The following DLG2 variants were observed in gnomAD, a reference collection of about 807,000 sequenced individuals.
The protein encoded by DLG2 is disks large homolog 2.
A neutral mutation model predicts 132.5 loss-of-function variants in DLG2; 45 were observed. The observed-to-expected ratio is 0.34, with a 90% CI of 0.27 to 0.44. The LOEUF is 0.44. Among genes scored for constraint, DLG2 ranks in the 20% least tolerant of loss-of-function variants. The pLI is 1.00. For synonymous variants in DLG2, 424 were observed against 419.6 expected (o/e 1.01, Z -0.13); for missense variants, 1,045 against 1,196.9 (o/e 0.87, Z 1.87).
chr11:83,528,366 C>T (rs1407157468), intron 21 of DLG2, among the ~76,000 whole-genome samples: 1 of 152,160 alleles, frequency 6.6e-6, no homozygotes, highest in Non-Finnish European at 1.5e-5. Context: ...GCTTTCTGGC[C>T]TTTCTGACCT....
chr11:83,923,609 GC>G (rs1400689509), intron 15 of DLG2, among the ~76,000 whole-genome samples: 1 of 152,032 alleles, frequency 6.6e-6, no homozygotes, highest in African/African-American at 2.4e-5. Context: ...TCCAACAGGG[GC>G]AAAGAATCAC....
chr11:83,837,966 C>G lies in DLG2; in HGVS notation c.1566-4196G>C, dbSNP rs141279071. 1.8e-4 allele frequency among the ~76,000 whole-genome samples: 28 copies of G among 152,162 alleles called. No homozygotes were observed. In the South Asian group the frequency reaches 4.2e-3, roughly 23 times the overall value. Reference sequence around the variant, plus strand: ...AGAATTTTCATGAAAAGGTTATTGTCGAAATCTCCCCCTTTCCCCAGAATA... The same window carrying G: ...AGAATTTTCATGAAAAGGTTATTGTGGAAATCTCCCCCTTTCCCCAGAATA... On this transcript the variant is annotated intron_variant, in intron 16 of 27. Transcript: ENST00000376104.
intron 10 of DLG2, among the ~76,000 whole-genome samples, chr11:84,064,118 T>G (rs1044623795): frequency 6.7e-6 from 1 of 150,060 alleles, no homozygotes; most frequent in African/African-American, 2.5e-5. Flanking sequence ...ATAATAAGAA[T>G]ATATATATAT....
At chr11:84,958,467 G>C (rs1039680237) in intron 6 of DLG2, among the ~76,000 whole-genome samples, 2 of 152,174 alleles carry the variant, frequency 1.3e-5, no homozygotes, top group Non-Finnish European at 2.9e-5. Context: ...TTGGAACATA[G>C]GGCTTCCAAA....
At chr11:84,619,960 T>C (rs865959127) in intron 6 of DLG2, among the ~76,000 whole-genome samples, 117 of 150,810 alleles carry the variant, frequency 7.8e-4, no homozygotes, top group Middle Eastern at 3.4e-3. Context: ...TCATCTAAAA[T>C]GCACATGAAA....
chr11:83,983,804 C>A (rs1228599981), intron 11 of DLG2, among the ~76,000 whole-genome samples: 3 of 152,014 alleles, frequency 2.0e-5, no homozygotes, highest in African/African-American at 4.8e-5. Flanking sequence ...ATACCCCAAA[C>A]TGGCTTTTCC....
chr11:84,907,849 G>T (rs139946943), intron 6 of DLG2, among the ~76,000 whole-genome samples: 105 of 152,246 alleles, frequency 6.9e-4, no homozygotes, highest in African/African-American at 2.5e-3. Context: ...CTGGACATTA[G>T]CCTTCTGGGC....
chr11:85,429,981 G>A (rs1381519561), intron 3 of DLG2, among the ~76,000 whole-genome samples: 2 of 152,062 alleles, frequency 1.3e-5, no homozygotes, highest in African/African-American at 2.4e-5. Context: ...ATGATAGACT[G>A]GATTAAGAAA....
chr11:84,107,487 T>C (rs925764148), intron 9 of DLG2, among the ~76,000 whole-genome samples: 2 of 50,588 alleles, frequency 4.0e-5, no homozygotes, highest in Non-Finnish European at 1.2e-4. Flanking sequence ...GAGCACTCCA[T>C]CTTTAATTTT....
chr11:84,622,968 A>C (rs2099616454), intron 6 of DLG2, among the ~76,000 whole-genome samples: 1 of 152,008 alleles, frequency 6.6e-6, no homozygotes, highest in Non-Finnish European at 1.5e-5. Context: ...CCTTACATCA[A>C]CTTCCTCCTT....
At chr11:84,119,425 C>CAT (rs1370470235) in intron 9 of DLG2, among the ~76,000 whole-genome samples, 5 of 151,066 alleles carry the variant, frequency 3.3e-5, no homozygotes, top group East Asian at 1.9e-4. Flanking sequence ...CAACTGGATT[C>CAT]ATATATATAT....
At chr11:84,052,426 C>A (rs1239097831) in intron 11 of DLG2, among the ~76,000 whole-genome samples, 1 of 151,514 alleles carries the variant, frequency 6.6e-6, no homozygotes, top group Non-Finnish European at 1.5e-5. Flanking sequence ...AAGGACCTCC[C>A]CCAAATTTTT....
intron 6 of DLG2, among the ~76,000 whole-genome samples, chr11:85,010,576 T>C (rs1241083539): frequency 6.6e-6 from 1 of 152,118 alleles, no homozygotes; most frequent in African/African-American, 2.4e-5. Flanking sequence ...TCTTCTAGTA[T>C]TATTTCTGTT....
At chr11:84,921,058 T>C (rs562869215) in intron 6 of DLG2, among the ~76,000 whole-genome samples, 91 of 152,074 alleles carry the variant, frequency 6.0e-4, no homozygotes, top group African/African-American at 2.0e-3. Context: ...CTTGTAACAA[T>C]AGAAATAAAA....
At chr11:84,623,772 G>A (rs1457897599) in intron 6 of DLG2, among the ~76,000 whole-genome samples, 1 of 152,094 alleles carries the variant, frequency 6.6e-6, no homozygotes, top group East Asian at 1.9e-4. Flanking sequence ...ATCTAAAATA[G>A]ACACTGGCTT....
chr11:85,487,388 C>A, intron 3 of DLG2, among the ~76,000 whole-genome samples: 2 of 134,852 alleles, frequency 1.5e-5, no homozygotes, highest in African/African-American at 2.8e-5. Flanking sequence ...CAGTGAGATA[C>A]AAGAAAACTC....
At chr11:84,590,418 A>C (rs1026964305) in intron 6 of DLG2, among the ~76,000 whole-genome samples, 7 of 152,214 alleles carry the variant, frequency 4.6e-5, no homozygotes, top group African/African-American at 1.7e-4. Context: ...ATTAGGAGAC[A>C]TAACTTTAGC....
At chr11:85,099,799 G>A (rs2070558869) in intron 6 of DLG2, among the ~76,000 whole-genome samples, 1 of 152,142 alleles carries the variant, frequency 6.6e-6, no homozygotes, top group African/African-American at 2.4e-5. Context: ...AGATAAAAGA[G>A]AACATGATAG....
At chr11:84,836,656 A>G (rs532183151) in intron 6 of DLG2, among the ~76,000 whole-genome samples, 1 of 151,874 alleles carries the variant, frequency 6.6e-6, no homozygotes, top group South Asian at 2.1e-4. Context: ...TCTTACAGGC[A>G]AAGTATACAG....
Sources: allele counts gnomAD v4.1 joint callset (sites outside exome capture counted in the v4.1 genomes callset), GRCh38; gene constraint gnomAD v4.1.1; transcripts MANE v1.5; gene names NCBI Gene and HGNC (gene_info 2026-07-23, HGNC 2026-07-21).